NCOR1: variants seen among roughly 807,000 people sequenced by gnomAD.
NCOR1 encodes protein phosphatase 1, regulatory subunit 109.
A neutral mutation model predicts 288.1 loss-of-function variants in NCOR1; 63 were observed. The observed-to-expected ratio is 0.22, with a 90% CI of 0.18 to 0.27. The LOEUF is 0.27. Ranked by LOEUF, NCOR1 falls within the 10% of genes least tolerant of loss-of-function variation. The pLI is 1.00. For synonymous variants in NCOR1, 1,007 were observed against 1,065.9 expected (o/e 0.94, Z 1.08); for missense variants, 2,397 against 3,019.2 (o/e 0.79, Z 4.83).
Position 16,139,206 on chromosome 17 carries a change from T to C in NCOR1, c.1174-20A>G. ...ATTATTCTGGAAAAAAAATACAATT[T>C]ACTTAGAATAAAACATAAACTAGAA... On this transcript the variant is annotated intron_variant, in intron 11 of 45. Coordinates refer to ENST00000268712, the MANE Select transcript of NCOR1 (RefSeq NM_006311.4). The C allele has an allele frequency of 6.2e-7, 1 of 1,602,344 alleles. No homozygotes were observed. Among genetic ancestry groups the C allele is most frequent in the Non-Finnish European group, 8.5e-7 (1 of 1,173,502 alleles).
At chr17:16,202,614 T>C (rs1279597540) in intron 1 of NCOR1, among the ~76,000 whole-genome samples, 1 of 152,200 alleles carries the variant, frequency 6.6e-6, no homozygotes, top group African/African-American at 2.4e-5. Flanking sequence ...TACTAGCCAG[T>C]GTACTAAGAC....
At chr17:16,050,708 A>G (rs2059208667) in intron 40 of NCOR1, among the ~76,000 whole-genome samples, 1 of 148,030 alleles carries the variant, frequency 6.8e-6, no homozygotes, top group South Asian at 2.1e-4. Context: ...TTTACCTCCA[A>G]AACTCTGTAA....
intron 40 of NCOR1, among the ~76,000 whole-genome samples, chr17:16,052,109 C>A (rs2059391503): frequency 6.6e-6 from 1 of 151,686 alleles, no homozygotes; most frequent in Admixed American, 6.6e-5. Context: ...CCCGGGTTCA[C>A]GCCATTCTCC....
In NCOR1 at chr17:16,064,985, A is replaced by G. The variant is rs756620103; in HGVS notation, c.4986T>C (p.Ile1662=). Residue 1662 remains isoleucine, a synonymous_variant, in exon 34 of 46, where the codon ATT becomes ATC. Coordinates refer to ENST00000268712, the MANE Select transcript of NCOR1 (RefSeq NM_006311.4). ...IIDLTNMPPT[I]LVPHPGGTST... ...TTGTTCCCCCTGGATGAGGCACTAA[A>G]ATTGTTGGAGGCATATTGGTCAGGT... 3 of 1,614,054 alleles carry G rather than the reference A, an allele frequency of 1.9e-6. No individual in the cohort carries two copies. The South Asian group carries it at 3.3e-5, about 18-fold the overall frequency.
At chr17:16,111,631 T>TA (rs1038583455) in intron 18 of NCOR1, among the ~76,000 whole-genome samples, 155 of 143,446 alleles carry the variant, frequency 1.1e-3, no homozygotes, top group East Asian at 2.8e-3. Flanking sequence ...AAATTAAAAT[T>TA]AAAAAAAAAA....
chr17:16,067,239 T>C (rs1480519776), intron 32 of NCOR1, among the ~76,000 whole-genome samples: 1 of 152,270 alleles, frequency 6.6e-6, no homozygotes, highest in Non-Finnish European at 1.5e-5. Context: ...CTGAAGTTTC[T>C]TCCAGCTGTA....
chr17:16,073,105 C>T (rs369684836), intron 28 of NCOR1, among the ~76,000 whole-genome samples: 6 of 152,180 alleles, frequency 3.9e-5, no homozygotes, highest in African/African-American at 1.4e-4. Context: ...ATAAACTTTA[C>T]CTTTTTTAAC....
intron 2 of NCOR1, among the ~76,000 whole-genome samples, chr17:16,187,182 T>C (rs2086828749): frequency 6.6e-6 from 1 of 151,540 alleles, no homozygotes; most frequent in South Asian, 2.1e-4. Context: ...TTTTTGTACC[T>C]TTCCTTTGTT....
At chr17:16,037,249 A>G (rs976757153) in intron 44 of NCOR1, among the ~76,000 whole-genome samples, 3 of 152,212 alleles carry the variant, frequency 2.0e-5, no homozygotes, top group African/African-American at 7.2e-5. Context: ...CAATAGTAAT[A>G]TCAAAGGTCA....
chr17:16,101,162 G>A (rs1598616255), intron 20 of NCOR1, 88 bp downstream of exon 20: 2 of 1,346,124 alleles, frequency 1.5e-6, no homozygotes, highest in East Asian at 4.6e-5. Flanking sequence ...TATTTACATA[G>A]GAGACATGTC....
chr17:16,191,057 TA>T (rs1443945894), intron 2 of NCOR1, among the ~76,000 whole-genome samples: 1 of 152,242 alleles, frequency 6.6e-6, no homozygotes, highest in Non-Finnish European at 1.5e-5. Context: ...AAAGATTTCC[TA>T]AACTCTGAAT....
intron 1 of NCOR1, among the ~76,000 whole-genome samples, chr17:16,196,505 C>A (rs2089830437): frequency 1.3e-5 from 2 of 152,058 alleles, no homozygotes; most frequent in Non-Finnish European, 2.9e-5. Flanking sequence ...CCTATGTCTA[C>A]AAGAAAATTA....
intron 14 of NCOR1, among the ~76,000 whole-genome samples, chr17:16,135,186 T>C (rs930428611): frequency 1.4e-5 from 2 of 146,676 alleles, no homozygotes; most frequent in African/African-American, 5.0e-5. Context: ...AAAAAAACTG[T>C]AGCTGAAACT....
At chr17:16,052,072 G>A (rs2059386220) in intron 40 of NCOR1, among the ~76,000 whole-genome samples, 3 of 151,790 alleles carry the variant, frequency 2.0e-5, no homozygotes, top group Middle Eastern at 6.8e-3. Context: ...GCGGTGGCGC[G>A]ATCTTGGCTC....
Position 16,145,604 on chromosome 17 carries a change from G to A in NCOR1, c.1082+772C>T, listed in dbSNP as rs144618741. 7.7e-3 allele frequency among the ~76,000 whole-genome samples: 1,166 copies of A among 151,510 alleles called. 71 individuals are homozygous for A. The highest frequency in any genetic ancestry group is 0.049 in the East Asian group (254 of 5,148). On this transcript the variant is annotated intron_variant, in intron 10 of 45. Transcript: ENST00000268712. ...TGCCCGGCTGCCCAGTCTGAGACGT[G>A]AGGAGCCCCTCTGCCCGGCAGCCGC...
Position 16,047,867 on chromosome 17 carries a change from G to A in NCOR1, c.6537-774C>T, listed in dbSNP as rs1259687078. Among the ~76,000 whole-genome samples the A allele has an allele frequency of 2.6e-5, 4 of 152,128 alleles. No individual in the cohort carries two copies. In the East Asian group the frequency reaches 5.8e-4, roughly 22 times the overall value. On this transcript the variant is annotated intron_variant, in intron 41 of 45. Coordinates refer to ENST00000268712, the MANE Select transcript of NCOR1 (RefSeq NM_006311.4). Reference sequence around the variant, plus strand: ...CCAGGAAAGACAATTAAGGTGATAGGAACAGGAATAAGACATGGTCCCTGT... The same window carrying A: ...CCAGGAAAGACAATTAAGGTGATAGAAACAGGAATAAGACATGGTCCCTGT...
intron 8 of NCOR1, among the ~76,000 whole-genome samples, chr17:16,150,776 C>A (rs1456398489): frequency 6.6e-6 from 1 of 150,784 alleles, no homozygotes; most frequent in Non-Finnish European, 1.5e-5. Flanking sequence ...AATGTTAAAA[C>A]AGCTAAGCAG....
In NCOR1 at chr17:16,110,165, C is replaced by A. The variant is rs187201073; in HGVS notation, c.2056-1253G>T. Among the ~76,000 whole-genome samples, 28 of 152,140 alleles carry A rather than the reference C, an allele frequency of 1.8e-4. No individual in the cohort carries two copies. In the East Asian group the frequency reaches 4.4e-3, roughly 24 times the overall value. On this transcript the variant is annotated intron_variant, in intron 18 of 45. Transcript: ENST00000268712. ...AACTCAGGAGTTTGAGATTAGCCTG[C>A]GCAACAAAGTTGGACACCTGTCCCT...
At position 16,071,412 on chromosome 17, in the gene NCOR1, G is replaced by A; in HGVS notation, c.4149C>T (p.Ser1383=). The part of the protein sequence containing the change: ...STRPIIEGSI[S]QGTPIKFDNN... ...AAAAGAGCCAAAACTTAGTTACCTGGGAAATGGAACCCTCAATTATCGGCC... is the reference window on the plus strand; with the variant it reads ...AAAAGAGCCAAAACTTAGTTACCTGAGAAATGGAACCCTCAATTATCGGCC... The change falls in exon 30 of 46, where the codon TCC becomes TCT. Residue 1383 remains serine, a synonymous_variant. Coordinates refer to ENST00000268712, the MANE Select transcript of NCOR1 (RefSeq NM_006311.4). The A allele has an allele frequency of 6.2e-7, 1 of 1,606,660 alleles. No homozygotes were observed. Among genetic ancestry groups the A allele is most frequent in the Non-Finnish European group, 8.5e-7 (1 of 1,176,148 alleles).
Sources: gnomAD v4.1 joint callset for allele counts (sites outside exome capture counted in the v4.1 genomes callset) on GRCh38, gnomAD v4.1.1 for gene constraint, MANE v1.5 for transcripts, NCBI Gene and HGNC (gene_info 2026-07-23, HGNC 2026-07-21) for gene names.